NRXN1: variants seen among roughly 807,000 people sequenced by gnomAD.
NRXN1 encodes neurexin 1.
Under a neutral mutation model 150.9 loss-of-function variants are expected in NRXN1, and 39 were observed. The observed-to-expected ratio is 0.26, with a 90% CI of 0.20 to 0.34. The LOEUF (loss-of-function observed/expected upper bound fraction) is 0.34, where lower values mean the gene tolerates loss of function less well. Among genes scored for constraint, NRXN1 ranks in the 10% least tolerant of loss-of-function variants. The pLI is 1.00. For missense variants in NRXN1, 1,815 were observed against 1,949.9 expected (o/e 0.93, Z 1.30); for synonymous variants, 924 against 757.0 (o/e 1.22, Z -3.62).
chr2:50,619,347 A>G (rs1679575273), intron 8 of NRXN1: 1 of 152,156 alleles, frequency 6.6e-6, no homozygotes, highest in Non-Finnish European at 1.5e-5. Context: ...AATGAAATTC[A>G]GGGACTTCTT....
intron 8 of NRXN1, 39 bp downstream of exon 8, chr2:50,619,983 C>A: frequency 6.6e-7 from 1 of 1,509,924 alleles, no homozygotes; most frequent in Non-Finnish European, 8.9e-7. Context: ...AATGATGAGA[C>A]CATGAATTAG....
chr2:50,610,236 T>C (rs1467981634), intron 8 of NRXN1, among the ~76,000 whole-genome samples: 3 of 152,136 alleles, frequency 2.0e-5, no homozygotes, highest in Non-Finnish European at 4.4e-5. Flanking sequence ...CTTAGTTAAG[T>C]AACAAACTTA....
intron 21 of NRXN1, among the ~76,000 whole-genome samples, chr2:49,985,794 C>G (rs1273638662): frequency 6.6e-6 from 1 of 152,100 alleles, no homozygotes; most frequent in African/African-American, 2.4e-5. Flanking sequence ...CAGACAAAAT[C>G]TTGAATCTAC....
chr2:50,406,552 A>G (rs2082761057), intron 17 of NRXN1, among the ~76,000 whole-genome samples: 1 of 152,184 alleles, frequency 6.6e-6, no homozygotes. Flanking sequence ...GCAATCAGGA[A>G]GATACTTCAT....
At chr2:51,022,384 GAGTCTGTA>G (rs1476815047) in intron 2 of NRXN1, among the ~76,000 whole-genome samples, 10 of 152,168 alleles carry the variant, frequency 6.6e-5, no homozygotes, top group Non-Finnish European at 1.5e-4. Context: ...TCTGGCCCAA[GAGTCTGTA>G]TAATTTAACC....
At position 49,959,739 on chromosome 2, in the gene NRXN1, C is replaced by T. The variant is rs7572933; in HGVS notation, c.4129-15948G>A. ...GATATACTTAACACTGTTCCTGGTGCGTGATAAATTCAAAATAAATATTGG... is the reference window on the plus strand; with the variant it reads ...GATATACTTAACACTGTTCCTGGTGTGTGATAAATTCAAAATAAATATTGG... On this transcript the variant is annotated intron_variant, in intron 21 of 22. Transcript: ENST00000401669. Among the ~76,000 whole-genome samples the T allele has an allele frequency of 3.9e-3, 587 of 152,186 alleles. 4 individuals are homozygous for T. The highest frequency in any genetic ancestry group is 0.013 in the African/African-American group (558 of 41,514).
chr2:50,435,203 G>A (rs1317237550), intron 17 of NRXN1, among the ~76,000 whole-genome samples: 2 of 152,124 alleles, frequency 1.3e-5, no homozygotes, highest in Non-Finnish European at 2.9e-5. Context: ...ATGGGTTCAA[G>A]TTCCACATCT....
chr2:50,987,216 A>ACTTACTAT (rs1195665630), intron 2 of NRXN1, among the ~76,000 whole-genome samples: 1 of 152,014 alleles, frequency 6.6e-6, no homozygotes, highest in Non-Finnish European at 1.5e-5. Flanking sequence ...TAAATAAACA[A>ACTTACTAT]CTTACTATCC....
At chr2:50,480,221 T>C (rs7566396) in intron 15 of NRXN1, among the ~76,000 whole-genome samples, 82,614 of 152,086 alleles carry the variant, frequency 0.54, 22,771 homozygotes, top group Middle Eastern at 0.59. Context: ...AATTTATTTG[T>C]AGAAAGAGAT....
intron 8 of NRXN1, among the ~76,000 whole-genome samples, chr2:50,565,427 T>A (rs1230019620): frequency 6.6e-6 from 1 of 152,152 alleles, no homozygotes; most frequent in African/African-American, 2.4e-5. Context: ...ACCATAGCAG[T>A]CACTGAGCAT....
intron 2 of NRXN1, among the ~76,000 whole-genome samples, chr2:51,014,471 C>T (rs558026227): frequency 8.6e-5 from 13 of 151,934 alleles, no homozygotes; most frequent in Admixed American, 8.5e-4. Flanking sequence ...GAGAAATTTT[C>T]TGCTCAGGAA....
chr2:49,959,174 A>C (rs1675488437), intron 21 of NRXN1, among the ~76,000 whole-genome samples: 1 of 152,048 alleles, frequency 6.6e-6, no homozygotes, highest in Non-Finnish European at 1.5e-5. Flanking sequence ...CACATTTCTA[A>C]ATTTCTATTT....
intron 21 of NRXN1, among the ~76,000 whole-genome samples, chr2:50,028,260 C>G (rs1446658856): frequency 1.3e-5 from 2 of 152,066 alleles, no homozygotes; most frequent in Non-Finnish European, 2.9e-5. Flanking sequence ...TTTTATAATC[C>G]TATAAATATA....
At chr2:50,405,956 G>A (rs2103995261) in intron 17 of NRXN1, among the ~76,000 whole-genome samples, 1 of 152,130 alleles carries the variant, frequency 6.6e-6, no homozygotes, top group South Asian at 2.1e-4. Flanking sequence ...TATTATCATT[G>A]TTTTATAGAT....
intron 10 of NRXN1, among the ~76,000 whole-genome samples, chr2:50,535,369 C>T (rs79364195): frequency 0.013 from 2,051 of 152,338 alleles, 24 homozygotes; most frequent in Middle Eastern, 0.061. Flanking sequence ...TCCTTTTCTA[C>T]ATTATTCTTT....
chr2:50,488,123 C>G (rs2091007619), intron 15 of NRXN1, among the ~76,000 whole-genome samples: 1 of 152,182 alleles, frequency 6.6e-6, no homozygotes, highest in African/African-American at 2.4e-5. Flanking sequence ...CAAGGCAAAC[C>G]CTGTCCCTGA....
chr2:49,999,763 C>T (rs1273112913), intron 21 of NRXN1, among the ~76,000 whole-genome samples: 3 of 152,174 alleles, frequency 2.0e-5, no homozygotes, highest in Non-Finnish European at 4.4e-5. Flanking sequence ...CACATACAAT[C>T]TAAACATATA....
chr2:50,433,946 C>G (rs2085194251), intron 17 of NRXN1, among the ~76,000 whole-genome samples: 1 of 151,240 alleles, frequency 6.6e-6, no homozygotes, highest in Admixed American at 6.6e-5. Flanking sequence ...GCTGCTCTTT[C>G]ACTCCCCTGA....
intron 5 of NRXN1, among the ~76,000 whole-genome samples, chr2:50,773,033 A>G (rs563652569): frequency 1.3e-5 from 2 of 152,284 alleles, no homozygotes; most frequent in East Asian, 3.9e-4. Flanking sequence ...CTAAAATGTT[A>G]TTAATGAAAG....
Sources: gnomAD v4.1 joint callset for allele counts (sites outside exome capture counted in the v4.1 genomes callset) on GRCh38, gnomAD v4.1.1 for gene constraint, MANE v1.5 for transcripts, NCBI Gene and HGNC (gene_info 2026-07-23, HGNC 2026-07-21) for gene names.